Variants in CNTN4 observed in about 807,000 individuals in gnomAD.
CNTN4 encodes the protein contactin 4, also known as contactin-4.
CNTN4 carries 77 observed loss-of-function variants against 122.5 expected under a neutral mutation model. The ratio of observed to expected loss-of-function variants is 0.63; its 90% confidence interval spans 0.52 to 0.76. CNTN4 has a LOEUF of 0.76. Among genes scored for constraint, CNTN4 ranks in the 30% least tolerant of loss-of-function variants. The pLI, the probability that CNTN4 is intolerant of heterozygous loss-of-function variation, is 0.00. For missense variants in CNTN4, 1,256 were observed against 1,259.1 expected (o/e 1.00, Z 0.04); for synonymous variants, 512 against 447.0 (o/e 1.15, Z -1.83).
chr3:2,771,482 T>G (rs571053284), intron 6 of CNTN4, among the ~76,000 whole-genome samples: 1 of 152,228 alleles, frequency 6.6e-6, no homozygotes, highest in Non-Finnish European at 1.5e-5. Flanking sequence ...CACTCCAATA[T>G]GTGACCTCTG....
chr3:2,778,854 A>C (rs2091454409), intron 6 of CNTN4, among the ~76,000 whole-genome samples: 1 of 152,198 alleles, frequency 6.6e-6, no homozygotes, highest in African/African-American at 2.4e-5. Context: ...TCAAAAGCAA[A>C]TTACTCACAA....
chr3:2,715,723 C>A (rs1267036942), intron 4 of CNTN4, among the ~76,000 whole-genome samples: 1 of 152,214 alleles, frequency 6.6e-6, no homozygotes, highest in Non-Finnish European at 1.5e-5. Flanking sequence ...GACTTGCAGA[C>A]AGATGCCTTT....
chr3:2,614,211 A>G (rs1559305795), intron 4 of CNTN4, among the ~76,000 whole-genome samples: 1 of 152,190 alleles, frequency 6.6e-6, no homozygotes, highest in African/African-American at 2.4e-5. Flanking sequence ...CCAGAGAAGT[A>G]TATTCTAAGC....
intron 2 of CNTN4, among the ~76,000 whole-genome samples, chr3:2,310,132 A>G (rs1477764880): frequency 1.3e-5 from 2 of 152,022 alleles, no homozygotes; most frequent in Admixed American, 6.6e-5. Flanking sequence ...GGATGGATGG[A>G]TGAATTTGTG....
chr3:2,102,025 T>C (rs1372581541), intron 2 of CNTN4, among the ~76,000 whole-genome samples: 1 of 152,232 alleles, frequency 6.6e-6, no homozygotes, highest in Non-Finnish European at 1.5e-5. Flanking sequence ...TTTCCTCTCA[T>C]GGACTCATAT....
intron 6 of CNTN4, among the ~76,000 whole-genome samples, chr3:2,786,018 C>T (rs147481315): frequency 0.016 from 2,419 of 151,544 alleles, 31 homozygotes; most frequent in South Asian, 0.072. Context: ...AGCTGGGCAT[C>T]GGAGACTACA....
At chr3:2,694,369 T>C (rs559940273) in intron 4 of CNTN4, among the ~76,000 whole-genome samples, 8 of 152,338 alleles carry the variant, frequency 5.3e-5, no homozygotes, top group African/African-American at 1.9e-4. Flanking sequence ...TGTGTACTTA[T>C]AGATCTAGAG....
intron 4 of CNTN4, among the ~76,000 whole-genome samples, chr3:2,656,658 T>C (rs1333078155): frequency 6.6e-6 from 1 of 152,222 alleles, no homozygotes; most frequent in African/African-American, 2.4e-5. Context: ...AGGTCAAGTC[T>C]CAAAAGGGAG....
chr3:2,528,270 A>T (rs1229894542), intron 3 of CNTN4, among the ~76,000 whole-genome samples: 1 of 152,138 alleles, frequency 6.6e-6, no homozygotes, highest in East Asian at 1.9e-4. Context: ...GAAACCTCTA[A>T]AATTTTATTA....
At chr3:2,628,715 T>C (rs1233719965) in intron 4 of CNTN4, among the ~76,000 whole-genome samples, 1 of 152,214 alleles carries the variant, frequency 6.6e-6, no homozygotes, top group Non-Finnish European at 1.5e-5. Flanking sequence ...CAACCAGTAG[T>C]TCCGTGTCTG....
intron 3 of CNTN4, among the ~76,000 whole-genome samples, chr3:2,481,361 A>C (rs2076000892): frequency 6.6e-6 from 1 of 151,920 alleles, no homozygotes; most frequent in South Asian, 2.1e-4. Context: ...GACTGATCTC[A>C]AACTTCTGAC....
chr3:2,225,133 A>G (rs1264637908), intron 2 of CNTN4, among the ~76,000 whole-genome samples: 1 of 150,504 alleles, frequency 6.6e-6, no homozygotes, highest in African/African-American at 2.5e-5. Flanking sequence ...CCTGGGCGAC[A>G]GGGCGAGACT....
At chr3:2,660,943 C>T (rs1253998856) in intron 4 of CNTN4, among the ~76,000 whole-genome samples, 2 of 152,214 alleles carry the variant, frequency 1.3e-5, no homozygotes, top group African/African-American at 4.8e-5. Context: ...CAACTAGGCA[C>T]CCCTCTAATT....
chr3:2,979,350 G>A (rs1014203504), intron 13 of CNTN4, among the ~76,000 whole-genome samples: 14 of 152,118 alleles, frequency 9.2e-5, no homozygotes, highest in Admixed American at 7.2e-4. Flanking sequence ...TGTAGGAAGT[G>A]GGGAACCAGG....
At chr3:2,840,484 A>G (rs572369573) in intron 7 of CNTN4, among the ~76,000 whole-genome samples, 406 of 144,526 alleles carry the variant, frequency 2.8e-3, no homozygotes, top group African/African-American at 7.7e-3. Flanking sequence ...GCGGATCACG[A>G]GGTCAGGAGA....
intron 4 of CNTN4, among the ~76,000 whole-genome samples, chr3:2,614,705 C>T (rs948082946): frequency 5.3e-5 from 8 of 151,980 alleles, no homozygotes; most frequent in Non-Finnish European, 1.2e-4. Flanking sequence ...AGAGAGCAGG[C>T]AGAATTGAGA....
intron 3 of CNTN4, among the ~76,000 whole-genome samples, chr3:2,412,017 T>C (rs957150741): frequency 6.6e-6 from 1 of 152,200 alleles, no homozygotes; most frequent in Admixed American, 6.5e-5. Context: ...TTCTGACTTC[T>C]ATCACCGTAG....
intron 3 of CNTN4, among the ~76,000 whole-genome samples, chr3:2,523,369 A>AC (rs1295293620): frequency 1.4e-5 from 2 of 143,324 alleles, no homozygotes; most frequent in Non-Finnish European, 3.2e-5. Flanking sequence ...AAAAAAAAAA[A>AC]AAACAAAACT....
intron 2 of CNTN4, among the ~76,000 whole-genome samples, chr3:2,286,480 C>T (rs1334760406): frequency 6.6e-6 from 1 of 151,716 alleles, no homozygotes; most frequent in African/African-American, 2.4e-5. Context: ...CAAGGCTTGT[C>T]AAGCTATTAA....
Sources: gnomAD v4.1 joint callset for allele counts (sites outside exome capture counted in the v4.1 genomes callset) on GRCh38, gnomAD v4.1.1 for gene constraint, MANE v1.5 for transcripts, NCBI Gene and HGNC (gene_info 2026-07-23, HGNC 2026-07-21) for gene names.